PCDH9: variants seen among roughly 807,000 people sequenced by gnomAD.
PCDH9 encodes the protein protocadherin-9.
Under a neutral mutation model 70.6 loss-of-function variants are expected in PCDH9, and 24 were observed. That is an observed-to-expected ratio of 0.34 (90% CI 0.25 to 0.48). The LOEUF (loss-of-function observed/expected upper bound fraction) is 0.48, where lower values mean the gene tolerates loss of function less well. Among genes scored for constraint, PCDH9 ranks in the 20% least tolerant of loss-of-function variants. The pLI is 0.99. For synonymous variants in PCDH9, 562 were observed against 558.5 expected (o/e 1.01, Z -0.09); for missense variants, 1,281 against 1,503.6 (o/e 0.85, Z 2.45).
intron 2 of PCDH9, among the ~76,000 whole-genome samples, chr13:67,022,111 T>C (rs2084687797): frequency 2.6e-4 from 1 of 3,818 alleles, no homozygotes; most frequent in Non-Finnish European, 1.3e-3. Flanking sequence ...ATGTTCTTTT[T>C]TTTTTTTTTT....
At chr13:66,449,392 T>G (rs144997014) in intron 4 of PCDH9, among the ~76,000 whole-genome samples, 18 of 152,292 alleles carry the variant, frequency 1.2e-4, no homozygotes, top group Non-Finnish European at 2.4e-4. Context: ...TCTTTTCTCT[T>G]TTTTCTTCTA....
intron 3 of PCDH9, among the ~76,000 whole-genome samples, chr13:66,784,326 C>T (rs1309544251): frequency 1.3e-5 from 2 of 151,954 alleles, no homozygotes; most frequent in African/African-American, 4.8e-5. Flanking sequence ...ATGGTTTTAC[C>T]TATTTTCCTT....
chr13:66,815,242 G>C (rs2080581182), intron 3 of PCDH9, among the ~76,000 whole-genome samples: 1 of 152,154 alleles, frequency 6.6e-6, no homozygotes, highest in Non-Finnish European at 1.5e-5. Flanking sequence ...GCACCAGTCA[G>C]AATGACTGTT....
chr13:66,779,873 A>G (rs377715764), intron 3 of PCDH9, among the ~76,000 whole-genome samples: 49 of 115,846 alleles, frequency 4.2e-4, no homozygotes, highest in Admixed American at 1.3e-3. Flanking sequence ...ATATACATAT[A>G]TGTGTGTGTG....
At chr13:66,949,902 G>A (rs2083150098) in intron 2 of PCDH9, among the ~76,000 whole-genome samples, 1 of 151,904 alleles carries the variant, frequency 6.6e-6, no homozygotes, top group Admixed American at 6.6e-5. Flanking sequence ...GGCATTTAAG[G>A]TCAAAATTAA....
intron 2 of PCDH9, among the ~76,000 whole-genome samples, chr13:66,994,259 C>T (rs1454789727): frequency 2.6e-5 from 4 of 152,180 alleles, no homozygotes; most frequent in African/African-American, 9.7e-5. Context: ...AACCAAGAAA[C>T]TGGCACTGCA....
chr13:66,533,658 A>G (rs1304455874), intron 4 of PCDH9, among the ~76,000 whole-genome samples: 1 of 152,138 alleles, frequency 6.6e-6, no homozygotes, highest in Non-Finnish European at 1.5e-5. Context: ...AACAAAAACC[A>G]TTGTTAAATA....
chr13:67,020,305 T>G (rs956643412), intron 2 of PCDH9, among the ~76,000 whole-genome samples: 4 of 152,222 alleles, frequency 2.6e-5, no homozygotes, highest in Non-Finnish European at 5.9e-5. Context: ...TCCAACCATC[T>G]GTCCCCTCCT....
At chr13:66,687,262 A>G (rs1409313403) in intron 3 of PCDH9, among the ~76,000 whole-genome samples, 3 of 152,170 alleles carry the variant, frequency 2.0e-5, no homozygotes, top group Non-Finnish European at 4.4e-5. Flanking sequence ...TTTTGTGACA[A>G]GATTTTTTTC....
At chr13:66,502,429 T>G (rs1205280617) in intron 4 of PCDH9, among the ~76,000 whole-genome samples, 2 of 152,170 alleles carry the variant, frequency 1.3e-5, no homozygotes, top group Non-Finnish European at 2.9e-5. Flanking sequence ...CAAAATATTT[T>G]TTCTTAAAGT....
At chr13:66,935,280 T>C (rs115699559) in intron 2 of PCDH9, among the ~76,000 whole-genome samples, 2,266 of 152,072 alleles carry the variant, frequency 0.015, 49 homozygotes, top group African/African-American at 0.052. Context: ...GGTCTTGAAT[T>C]CCCGGGCTCA....
intron 2 of PCDH9, among the ~76,000 whole-genome samples, chr13:66,952,993 C>G (rs1208324411): frequency 6.6e-6 from 1 of 151,968 alleles, no homozygotes; most frequent in African/African-American, 2.4e-5. Context: ...CTATTTCATA[C>G]ATTCTCATAC....
intron 3 of PCDH9, among the ~76,000 whole-genome samples, chr13:66,730,876 G>GTTTTTTTTTTTTTTTTTTTTTTTTTTT (rs758928616): frequency 6.5e-5 from 3 of 46,356 alleles, no homozygotes; most frequent in African/African-American, 1.5e-4. Context: ...GTGTGTGTGT[G>GTTTTTTTTTTTTTTTTTTTTTTTTTTT]TTTTTTTTTT....
chr13:66,648,950 TAGA>T (rs2077811364), intron 3 of PCDH9, among the ~76,000 whole-genome samples: 1 of 151,778 alleles, frequency 6.6e-6, no homozygotes, highest in Non-Finnish European at 1.5e-5. Context: ...CTCTTAACAG[TAGA>T]AGATCAAGCA....
intron 4 of PCDH9, among the ~76,000 whole-genome samples, chr13:66,407,245 A>T (rs546682712): frequency 1.3e-5 from 2 of 152,360 alleles, no homozygotes; most frequent in East Asian, 3.9e-4. Context: ...TCAAGCGTAA[A>T]TACATCTGAG....
In PCDH9 at chr13:67,225,430, G is replaced by A; in HGVS notation, c.3011C>T (p.Thr1004Ile). The A allele has an allele frequency of 6.2e-7, 1 of 1,614,062 alleles. No individual in the cohort carries two copies. Reference sequence around the variant, plus strand: ...CTGTCTGGTGTGTAAGGGGCCCTTTGTCTTGAAGCCTCCTTGGGAACTGCA... The same window carrying A: ...CTGTCTGGTGTGTAAGGGGCCCTTTATCTTGAAGCCTCCTTGGGAACTGCA... ...SECSSQGGFK[T>I]KGPLHTRQCN... is the part of the protein sequence containing the mutation. The change falls in exon 2 of 5, where the codon ACA (threonine) becomes ATA (isoleucine). Residue 1004 changes from threonine (T) to isoleucine (I), a missense_variant. Thr to Ile is a moderately conservative substitution (Grantham distance 89). Around this residue, in one of 4 missense-constraint regions of PCDH9, gnomAD observed 12 missense variants for 29.9 expected, o/e 0.40. Coordinates refer to ENST00000377865, the MANE Select transcript of PCDH9 (RefSeq NM_203487.3).
intron 2 of PCDH9, among the ~76,000 whole-genome samples, chr13:66,964,464 G>C (rs890793540): frequency 6.6e-6 from 1 of 151,946 alleles, no homozygotes; most frequent in South Asian, 2.1e-4. Flanking sequence ...TGATCTACCA[G>C]GTCACTGTCA....
intron 4 of PCDH9, among the ~76,000 whole-genome samples, chr13:66,367,904 CAT>C (rs1206652378): frequency 6.6e-6 from 1 of 152,098 alleles, no homozygotes; most frequent in Non-Finnish European, 1.5e-5. Flanking sequence ...ATATGTAACA[CAT>C]AAAATTAAAC....
At chr13:67,147,693 C>T (rs1405300256) in intron 2 of PCDH9, among the ~76,000 whole-genome samples, 1 of 152,208 alleles carries the variant, frequency 6.6e-6, no homozygotes, top group African/African-American at 2.4e-5. Context: ...ATAATTACTA[C>T]CTTTTCCATA....
Sources: gnomAD v4.1 joint callset for allele counts (sites outside exome capture counted in the v4.1 genomes callset) on GRCh38, gnomAD v4.1.1 for gene constraint, gnomAD v4.1.1 regional missense constraint, MANE v1.5 for transcripts, NCBI Gene and HGNC (gene_info 2026-07-23, HGNC 2026-07-21) for gene names.